The following ATP11A variants were observed in gnomAD, a reference collection of about 807,000 sequenced individuals.
The protein encoded by ATP11A is ATPase phospholipid transporting 11A.
ATP11A carries 81 observed loss-of-function variants against 154.4 expected under a neutral mutation model. That is an observed-to-expected ratio of 0.52 (90% CI 0.44 to 0.63). ATP11A has a LOEUF of 0.63. Ranked by LOEUF, ATP11A falls within the 30% of genes least tolerant of loss-of-function variation. ATP11A has a pLI of 0.00. For missense variants in ATP11A, 1,316 were observed against 1,474.3 expected, an observed-to-expected ratio of 0.89 and a Z score of 1.76; for synonymous variants, 623 against 585.9, an observed-to-expected ratio of 1.06 and a Z score of -0.91.
At chr13:112,809,767 A>G (rs1450323185) in intron 4 of ATP11A, among the ~76,000 whole-genome samples, 1 of 152,174 alleles carries the variant, frequency 6.6e-6, no homozygotes, top group Non-Finnish European at 1.5e-5. Flanking sequence ...GCACCCAGCA[A>G]CGCCAAACAC....
intron 2 of ATP11A, among the ~76,000 whole-genome samples, chr13:112,788,592 G>C (rs2077730527): frequency 6.7e-6 from 1 of 149,780 alleles, no homozygotes; most frequent in Non-Finnish European, 1.5e-5. Flanking sequence ...CTGATGTGTA[G>C]ACCCCTGCGG....
intron 1 of ATP11A, among the ~76,000 whole-genome samples, chr13:112,705,467 C>T (rs538609873): frequency 6.7e-5 from 10 of 148,196 alleles, no homozygotes; most frequent in African/African-American, 2.7e-4. Context: ...GTACAGGCGC[C>T]CCAGCTCTCC....
chr13:112,817,478 G>C (rs1008951127), intron 6 of ATP11A, among the ~76,000 whole-genome samples: 1 of 152,182 alleles, frequency 6.6e-6, no homozygotes, highest in Non-Finnish European at 1.5e-5. Flanking sequence ...CTAGGGGGTC[G>C]GAATCCCTGG....
At chr13:112,693,808 C>T (rs113732532) in intron 1 of ATP11A, among the ~76,000 whole-genome samples, 3,482 of 152,100 alleles carry the variant, frequency 0.023, 128 homozygotes, top group African/African-American at 0.08. Flanking sequence ...AAAAATTAGC[C>T]GGGCATGGTG....
intron 17 of ATP11A, among the ~76,000 whole-genome samples, chr13:112,850,587 C>T (rs781311586): frequency 6.6e-6 from 1 of 152,118 alleles, no homozygotes; most frequent in Non-Finnish European, 1.5e-5. Context: ...AACAACCTAC[C>T]TTACAAACTT....
chr13:112,716,853 G>A (rs571334832), intron 1 of ATP11A, among the ~76,000 whole-genome samples: 6 of 152,254 alleles, frequency 3.9e-5, no homozygotes, highest in South Asian at 4.1e-4. Context: ...CAATTTCTGC[G>A]TTCTAAAGAT....
At chr13:112,800,852 A>C (rs1268528567) in intron 2 of ATP11A, among the ~76,000 whole-genome samples, 1 of 152,194 alleles carries the variant, frequency 6.6e-6, no homozygotes, top group Non-Finnish European at 1.5e-5. Flanking sequence ...ACATTTGAAA[A>C]TCGACTAATA....
intron 2 of ATP11A, among the ~76,000 whole-genome samples, chr13:112,794,693 T>C (rs952854405): frequency 3.3e-5 from 5 of 151,774 alleles, no homozygotes; most frequent in Non-Finnish European, 7.4e-5. Context: ...CATGGTGAAA[T>C]CCTGTCTCTA....
At chr13:112,765,703 G>A (rs1055651213) in intron 1 of ATP11A, among the ~76,000 whole-genome samples, 1 of 152,240 alleles carries the variant, frequency 6.6e-6, no homozygotes, top group Admixed American at 6.5e-5. Context: ...AATATCTCAG[G>A]TGCTAAATAC....
At chr13:112,868,583 T>C (rs1411955461) in intron 25 of ATP11A, among the ~76,000 whole-genome samples, 1 of 152,156 alleles carries the variant, frequency 6.6e-6, no homozygotes, top group Non-Finnish European at 1.5e-5. Flanking sequence ...GGAGCTTCAC[T>C]GGGGATGGCG....
intron 6 of ATP11A, among the ~76,000 whole-genome samples, chr13:112,818,710 A>C (rs1334484874): frequency 6.6e-6 from 1 of 152,146 alleles, no homozygotes; most frequent in Non-Finnish European, 1.5e-5. Context: ...ACCATATTAG[A>C]AGTGCAGTTC....
At chr13:112,720,570 T>A (rs1010730630) in intron 1 of ATP11A, among the ~76,000 whole-genome samples, 1 of 151,948 alleles carries the variant, frequency 6.6e-6, no homozygotes, top group Admixed American at 6.5e-5. Flanking sequence ...TTTTTTTTAA[T>A]TTTTTTGAGA....
At chr13:112,745,054 C>CATA (rs1176630300) in intron 1 of ATP11A, among the ~76,000 whole-genome samples, 4 of 152,256 alleles carry the variant, frequency 2.6e-5, no homozygotes, top group African/African-American at 7.2e-5. Context: ...AAGTTAGTAG[C>CATA]ATAATAATAA....
intron 16 of ATP11A, among the ~76,000 whole-genome samples, chr13:112,840,397 CTG>C (rs2079373534): frequency 1.7e-5 from 2 of 115,688 alleles, no homozygotes; most frequent in African/African-American, 3.5e-5. Context: ...CTCATCCCCC[CTG>C]CCTCAGCCTC....
chr13:112,881,673 C>G (rs1237520884), intron 29 of ATP11A: 1 of 1,227,004 alleles, frequency 8.1e-7, no homozygotes, highest in East Asian at 5.4e-5. Flanking sequence ...GGCCTGCCCT[C>G]AGGACGAGGG....
At chr13:112,724,275 G>A (rs999320757) in intron 1 of ATP11A, among the ~76,000 whole-genome samples, 4 of 151,692 alleles carry the variant, frequency 2.6e-5, no homozygotes, top group African/African-American at 9.7e-5. Flanking sequence ...CCCCAAGACG[G>A]CCTGCTTCAG....
chr13:112,764,821 G>A (rs2139898530), intron 1 of ATP11A, among the ~76,000 whole-genome samples: 2 of 152,316 alleles, frequency 1.3e-5, no homozygotes, highest in East Asian at 3.9e-4. Context: ...CTTATGGAAT[G>A]TCCACAGCCT....
rs562177804 is a variant in ATP11A, at chr13:112,729,408, A to C, written c.39+38953A>C. ...GGGCCCAGAGTATCTAACGCGTCCG[A>C]GTGCGAACAGTGTCAGAAGGCACTG... On this transcript the variant is annotated intron_variant, in intron 1 of 29. Transcript: ENST00000375645. 5.8e-4 allele frequency among the ~76,000 whole-genome samples: 87 copies of C among 151,100 alleles called. 2 individuals are homozygous for C. The highest frequency in any genetic ancestry group is 2.1e-3 in the African/African-American group (85 of 40,516).
intron 8 of ATP11A, 98 bp downstream of exon 8, chr13:112,820,048 G>A: frequency 8.0e-7 from 1 of 1,248,856 alleles, no homozygotes; most frequent in Non-Finnish European, 1.1e-6. Context: ...GGCTGCTCTG[G>A]TAGATTTGGA....
Sources: gnomAD v4.1 joint callset for allele counts (sites outside exome capture counted in the v4.1 genomes callset) on GRCh38, gnomAD v4.1.1 for gene constraint, MANE v1.5 for transcripts, NCBI Gene and HGNC (gene_info 2026-07-23, HGNC 2026-07-21) for gene names.